The following PTN variants were observed in gnomAD, a reference collection of about 807,000 sequenced individuals.
PTN encodes pleiotrophin.
PTN carries 18 observed loss-of-function variants against 24.1 expected under a neutral mutation model. That is an observed-to-expected ratio of 0.75 (90% confidence interval 0.52 to 1.11). The LOEUF is 1.11. Ranked by LOEUF, PTN falls within the 50% of genes least tolerant of loss-of-function variation. The probability of loss-of-function intolerance (pLI) is 0.00; values close to 1 mark genes in which losing one functional copy is unlikely to be tolerated. For synonymous variants in PTN, 78 were observed against 68.6 expected (o/e 1.14, Z -0.67); for missense variants, 163 against 198.8 (o/e 0.82, Z 1.08).
intron 4 of PTN, among the ~76,000 whole-genome samples, chr7:137,248,546 G>A (rs944206252): frequency 6.6e-6 from 1 of 152,094 alleles, no homozygotes; most frequent in Non-Finnish European, 1.5e-5. Flanking sequence ...AAATTAGCTG[G>A]GCGCATGCCC....
intron 1 of PTN, among the ~76,000 whole-genome samples, chr7:137,262,627 GCTCAACTTCTGT>G (rs1809062036): frequency 6.6e-6 from 1 of 152,030 alleles, no homozygotes; most frequent in Non-Finnish European, 1.5e-5. Context: ...CTCCTCAGGT[GCTCAACTTCTGT>G]CCCTTTTAAG....
At chr7:137,234,444 C>T (rs1808484832) in intron 4 of PTN, among the ~76,000 whole-genome samples, 1 of 152,012 alleles carries the variant, frequency 6.6e-6, no homozygotes, top group African/African-American at 2.4e-5. Flanking sequence ...AAATTCTTAT[C>T]AGCAATTTAT....
At chr7:137,312,201 A>G (rs1407004436) in intron 1 of PTN, among the ~76,000 whole-genome samples, 1 of 152,216 alleles carries the variant, frequency 6.6e-6, no homozygotes, top group Non-Finnish European at 1.5e-5. Flanking sequence ...TAGCAAAGCC[A>G]ATTTTTTAAT....
intron 1 of PTN, among the ~76,000 whole-genome samples, chr7:137,328,824 C>G (rs1373929769): frequency 6.6e-6 from 1 of 152,120 alleles, no homozygotes; most frequent in Admixed American, 6.5e-5. Context: ...CTAACAGCAA[C>G]ATTCCTTATC....
intron 1 of PTN, among the ~76,000 whole-genome samples, chr7:137,327,189 G>C (rs145214069): frequency 6.4e-4 from 97 of 152,276 alleles, no homozygotes; most frequent in Non-Finnish European, 1.2e-3. Context: ...CTCCACCTCT[G>C]ATCTGTTACT....
intron 1 of PTN, chr7:137,326,120 T>A (rs1810256150): frequency 6.6e-6 from 1 of 152,152 alleles, no homozygotes; most frequent in African/African-American, 2.4e-5. Context: ...GGGAGCCCAG[T>A]CACCAATTAC....
chr7:137,297,116 T>C (rs1809730602), intron 1 of PTN, among the ~76,000 whole-genome samples: 3 of 152,106 alleles, frequency 2.0e-5, no homozygotes, highest in African/African-American at 7.2e-5. Flanking sequence ...TTGCATAAGA[T>C]ATGGACAGAT....
chr7:137,334,944 CA>C (rs1272092625), intron 1 of PTN, among the ~76,000 whole-genome samples: 2 of 146,708 alleles, frequency 1.4e-5, no homozygotes, highest in East Asian at 2.0e-4. Context: ...ATCGCAAGGA[CA>C]AAAAACCAAA....
intron 1 of PTN, among the ~76,000 whole-genome samples, chr7:137,335,608 A>AGGT (rs1324563438): frequency 1.3e-5 from 2 of 152,164 alleles, no homozygotes; most frequent in African/African-American, 4.8e-5. Context: ...ACTCAAAGAG[A>AGGT]GGTCGCCAAG....
intron 1 of PTN, among the ~76,000 whole-genome samples, chr7:137,324,587 A>T (rs994751134): frequency 1.3e-5 from 2 of 151,434 alleles, no homozygotes; most frequent in African/African-American, 4.9e-5. Flanking sequence ...ACGATTGTGT[A>T]AGCTGATGTT....
chr7:137,343,226 C>T (rs1810563337), intron 1 of PTN, among the ~76,000 whole-genome samples: 1 of 152,158 alleles, frequency 6.6e-6, no homozygotes, highest in Admixed American at 6.5e-5. Flanking sequence ...CTTACCTAAG[C>T]ACACCCGAAC....
intron 1 of PTN, among the ~76,000 whole-genome samples, chr7:137,292,200 C>T (rs1264031130): frequency 6.6e-6 from 1 of 152,112 alleles, no homozygotes; most frequent in Non-Finnish European, 1.5e-5. Flanking sequence ...CATGAATGTT[C>T]AAGTCCCTGA....
At chr7:137,294,353 G>A (rs1809686351) in intron 1 of PTN, among the ~76,000 whole-genome samples, 1 of 152,088 alleles carries the variant, frequency 6.6e-6, no homozygotes, top group African/African-American at 2.4e-5. Flanking sequence ...GCCCACACAG[G>A]AGTACACTGG....
intron 1 of PTN, among the ~76,000 whole-genome samples, chr7:137,255,659 G>A (rs895104421): frequency 6.6e-6 from 1 of 152,298 alleles, no homozygotes; most frequent in East Asian, 1.9e-4. Flanking sequence ...AGGATATGGT[G>A]AAGTCTTTAC....
At chr7:137,230,621 C>T (rs1309701223) in intron 4 of PTN, among the ~76,000 whole-genome samples, 3 of 151,606 alleles carry the variant, frequency 2.0e-5, no homozygotes, top group African/African-American at 4.8e-5. Context: ...TGCTTCCAAT[C>T]GAAAGCAGTT....
intron 4 of PTN, among the ~76,000 whole-genome samples, chr7:137,244,620 A>C (rs1046068108): frequency 6.6e-6 from 1 of 151,436 alleles, no homozygotes; most frequent in Admixed American, 6.6e-5. Flanking sequence ...TATGAGTGAG[A>C]ACATGCGATG....
chr7:137,234,516 G>A (rs1488458539), intron 4 of PTN, among the ~76,000 whole-genome samples: 3 of 152,000 alleles, frequency 2.0e-5, no homozygotes, highest in Non-Finnish European at 2.9e-5. Context: ...AGCATCATCT[G>A]TTTTCTATCT....
intron 1 of PTN, among the ~76,000 whole-genome samples, chr7:137,279,424 A>C (rs1809428786): frequency 6.6e-6 from 1 of 152,174 alleles, no homozygotes. Context: ...TTTTCTTTTA[A>C]ATTGGAATTT....
intron 4 of PTN, among the ~76,000 whole-genome samples, chr7:137,249,005 C>A (rs944805176): frequency 6.6e-6 from 1 of 151,888 alleles, no homozygotes; most frequent in Non-Finnish European, 1.5e-5. Context: ...ACAAACTTAA[C>A]CTTCATTACA....
Sources: allele counts gnomAD v4.1 joint callset (sites outside exome capture counted in the v4.1 genomes callset), GRCh38; gene constraint gnomAD v4.1.1; transcripts MANE v1.5; gene names NCBI Gene and HGNC (gene_info 2026-07-23, HGNC 2026-07-21).